MAPK8IP3: variants seen among roughly 807,000 people sequenced by gnomAD.
MAPK8IP3 encodes the protein C-Jun-amino-terminal kinase-interacting protein 3.
In MAPK8IP3, 49 loss-of-function variants were observed where a neutral mutation model predicts 157.8. That is an observed-to-expected ratio of 0.31 (90% CI 0.25 to 0.39). The LOEUF (loss-of-function observed/expected upper bound fraction) is 0.39. MAPK8IP3 is among the 10% of genes least tolerant of loss of function. The pLI is 1.00. For synonymous variants in MAPK8IP3, 897 were observed against 777.7 expected (o/e 1.15, Z -2.55); for missense variants, 1,478 against 1,889.4 (o/e 0.78, Z 4.04).
intron 4 of MAPK8IP3, among the ~76,000 whole-genome samples, chr16:1,739,394 GTGTGACCGTCCA>G (rs2141828882): frequency 7.0e-6 from 1 of 143,672 alleles, no homozygotes; most frequent in South Asian, 2.3e-4. Flanking sequence ...GTGAGCATCC[GTGTGACCGTCCA>G]TGTGAGCATC....
At chr16:1,749,919 T>G (rs2041193612) in intron 8 of MAPK8IP3, among the ~76,000 whole-genome samples, 1 of 152,202 alleles carries the variant, frequency 6.6e-6, no homozygotes, top group Non-Finnish European at 1.5e-5. Context: ...GTAGAGGCCA[T>G]GTATGAGTAA....
At chr16:1,738,784 CGTCCGTGTG>C (rs2040323367) in intron 4 of MAPK8IP3, among the ~76,000 whole-genome samples, 23 of 119,220 alleles carry the variant, frequency 1.9e-4, no homozygotes, top group African/African-American at 4.5e-4. Flanking sequence ...AGCGTGTGAG[CGTCCGTGTG>C]AGTGTGACCA....
chr16:1,739,396 GTGACCGTCCATGTGAGCATCCC>G (rs1278325011), intron 4 of MAPK8IP3, among the ~76,000 whole-genome samples: 3 of 147,314 alleles, frequency 2.0e-5, no homozygotes, highest in African/African-American at 7.6e-5. Context: ...GAGCATCCGT[GTGACCGTCCATGTGAGCATCCC>G]TGTGACCGTC....
chr16:1,758,067 G>T lies in MAPK8IP3; in HGVS notation c.1217-81G>T, dbSNP rs2041718113. ...ATCATTGCTGGGTTTTCTGTAATAA[G>T]AATGTATTGTTAGTTCCAGTCCCTA... On this transcript the variant is annotated intron_variant, in intron 8 of 31. Transcript: ENST00000610761. The T allele has an allele frequency of 4.3e-5, 60 of 1,402,828 alleles. No homozygotes were observed. The South Asian group carries it at 6.2e-4, about 14-fold the overall frequency. The allele number at this position is 1,402,828 out of a possible 1,614,324, so 86.9% of individuals were successfully genotyped here.
At chr16:1,757,741 C>A in intron 8 of MAPK8IP3, among the ~76,000 whole-genome samples, 1 of 151,966 alleles carries the variant, frequency 6.6e-6, no homozygotes, top group East Asian at 1.9e-4. Flanking sequence ...GTCTCCCTCG[C>A]CGCTCTCTCC....
At position 1,767,793 on chromosome 16, in the gene MAPK8IP3, TC is replaced by T; in HGVS notation, c.3410-11del. The T allele has an allele frequency of 6.2e-7, 1 of 1,611,324 alleles. No individual in the cohort carries two copies. The highest frequency in any genetic ancestry group is 1.3e-5 in the African/African-American group (1 of 74,950). Reference sequence around the variant, plus strand: ...GCTCAAGGCCAGCCACCCTGACCGCTCTCCCCCACAGGCACTGGCAAGCTGG... The same window carrying T: ...GCTCAAGGCCAGCCACCCTGACCGCTTCCCCCACAGGCACTGGCAAGCTGG... On this transcript the variant is annotated splice_polypyrimidine_tract_variant and intron_variant, in intron 27 of 31. Transcript: ENST00000610761.
rs1400134379 is a variant in MAPK8IP3 at position 1,770,117 on chromosome 16, G to A, written c.*1293G>A. 2 of 152,662 alleles carry A rather than the reference G, an allele frequency of 1.3e-5. No homozygotes were observed. The highest frequency in any genetic ancestry group is 2.4e-5 in the African/African-American group (1 of 41,438). The allele number at this position is 152,662 out of a possible 1,614,324, so 9.5% of individuals were successfully genotyped here. Reference sequence around the variant, plus strand: ...CTGGCCACCGAGGGCTGCAGCCGCTGCGCTGCCGGCTTCTCCCCACCACCC... The same window carrying A: ...CTGGCCACCGAGGGCTGCAGCCGCTACGCTGCCGGCTTCTCCCCACCACCC... On this transcript the variant is annotated 3_prime_UTR_variant, in exon 32 of 32. Transcript: ENST00000610761.
At position 1,715,464 on chromosome 16, in the gene MAPK8IP3, G is replaced by A. The variant is rs576708448; in HGVS notation, c.318+8807G>A. ...CCACAGCCATGCGAGGTCCCTGCCC[G>A]TACCTGGGAACTAGCCATGAAGGGC... is the stretch of plus-strand genomic sequence containing the variant. On this transcript the variant is annotated intron_variant, in intron 1 of 31. Coordinates refer to ENST00000610761, the MANE Select transcript of MAPK8IP3 (RefSeq NM_001318852.2). 1.1e-4 allele frequency among the ~76,000 whole-genome samples: 16 copies of A among 152,272 alleles called. No individual in the cohort carries two copies. In the East Asian group the frequency reaches 1.4e-3, roughly 13 times the overall value.
rs1310407260 is a variant in MAPK8IP3 at position 1,741,293 on chromosome 16, C to T, written c.603-2039C>T. On this transcript the variant is annotated intron_variant, in intron 4 of 31. Coordinates refer to ENST00000610761, the MANE Select transcript of MAPK8IP3 (RefSeq NM_001318852.2). This position sits in a 1 kb window ranked among gnomAD's most constrained non-coding sequence, Gnocchi z 6.9. ...CGGGAGGACGGGGTCAGTCGGCAAACGCTCACGAGCCTGAGGCCAGGGCCT... is the reference window on the plus strand; with the variant it reads ...CGGGAGGACGGGGTCAGTCGGCAAATGCTCACGAGCCTGAGGCCAGGGCCT... 1.3e-5 allele frequency among the ~76,000 whole-genome samples: 2 copies of T among 152,190 alleles called. No homozygotes were observed. Among genetic ancestry groups the T allele is most frequent in the Non-Finnish European group, 2.9e-5 (2 of 68,024 alleles).
chr16:1,764,789 C>T (rs574862266), intron 19 of MAPK8IP3, among the ~76,000 whole-genome samples: 4 of 152,294 alleles, frequency 2.6e-5, no homozygotes, highest in Non-Finnish European at 2.9e-5. Flanking sequence ...GCTTGGGCCT[C>T]TTGGAGCTCA....
At chr16:1,744,193 A>G (rs2040837524) in intron 5 of MAPK8IP3, 1 of 985,470 alleles carries the variant, frequency 1.0e-6, no homozygotes, top group Admixed American at 6.1e-5. Context: ...GTGCCAGGTA[A>G]GGACAGCCAC....
Position 1,762,959 on chromosome 16 carries a change from G to T in MAPK8IP3, c.1851G>T (p.Met617Ile), listed in dbSNP as rs760717934. ...AGFSQRRNHA[M>I]CPISAGSRPL... ...TCAGCCAGCGCCGCAACCATGCCAT[G>T]TGCCCGATCTCGGCAGGCAGCCGGC... Residue 617 changes from methionine to isoleucine, a missense_variant, in exon 16 of 32, where the codon ATG (methionine) becomes ATT (isoleucine). Met to Ile is a conservative substitution (Grantham distance 10). This residue lies in a region of MAPK8IP3 where 669 missense variants were observed against 759.8 expected (regional missense o/e 0.88). Transcript: ENST00000610761. 6.2e-7 allele frequency: 1 copy of T among 1,613,014 alleles called. No homozygotes were observed. The highest frequency in any genetic ancestry group is 8.5e-7 in the Non-Finnish European group (1 of 1,179,996).
chr16:1,730,659 T>C (rs371552038), intron 4 of MAPK8IP3, among the ~76,000 whole-genome samples: 39 of 151,980 alleles, frequency 2.6e-4, no homozygotes, highest in East Asian at 9.7e-4. Context: ...CTGGCTAACA[T>C]GTTGAAACCC....
At chr16:1,752,449 G>A (rs572962422) in intron 8 of MAPK8IP3, 51 of 351,882 alleles carry the variant, frequency 1.4e-4, no homozygotes, top group African/African-American at 8.6e-4. Context: ...ATGCGTATAA[G>A]AAAGGCAGGG....
At chr16:1,732,891 A>C (rs1299190753) in intron 4 of MAPK8IP3, among the ~76,000 whole-genome samples, 1 of 152,170 alleles carries the variant, frequency 6.6e-6, no homozygotes, top group African/African-American at 2.4e-5. Flanking sequence ...GCACCATGAG[A>C]ACTACACCGG....
rs776520961 is a variant in MAPK8IP3 at position 1,762,492 on chromosome 16, C to T, written c.1670+11C>T. 6.8e-6 allele frequency: 11 copies of T among 1,610,674 alleles called. No homozygotes were observed. Among genetic ancestry groups the T allele is most frequent in the Admixed American group, 5.0e-5 (3 of 59,554 alleles). On this transcript the variant is annotated intron_variant, in intron 14 of 31. Transcript: ENST00000610761. ...GACTGAGATGATCAGGTGGGAGTTG[C>T]GGCCACCCCAGGAGGGGCTGCGGGA...
At chr16:1,758,840 C>T in intron 9 of MAPK8IP3, 138 bp from the exon 10 acceptor site, 4 of 848,868 alleles carry the variant, frequency 4.7e-6, no homozygotes, top group Non-Finnish European at 7.8e-6. Flanking sequence ...CCTGCACCCA[C>T]CCTAACCCAG....
intron 6 of MAPK8IP3, among the ~76,000 whole-genome samples, chr16:1,747,919 AAG>A (rs1458636153): frequency 7.9e-5 from 12 of 152,210 alleles, no homozygotes. Flanking sequence ...CAGTGAGGGA[AAG>A]AGAAGAGGGG....
intron 20 of MAPK8IP3, 109 bp downstream of exon 20, chr16:1,765,287 A>G: frequency 7.6e-7 from 1 of 1,311,892 alleles, no homozygotes; most frequent in Non-Finnish European, 1.0e-6. Flanking sequence ...TCCTGTGGAC[A>G]CGGGAATGTG....
Sources: allele counts gnomAD v4.1 joint callset (sites outside exome capture counted in the v4.1 genomes callset), GRCh38; gene constraint gnomAD v4.1.1; regional missense constraint gnomAD v4.1.1; non-coding constraint Gnocchi (gnomAD v3.1); transcripts MANE v1.5; gene names NCBI Gene and HGNC (gene_info 2026-07-23, HGNC 2026-07-21).